The following NUP210L variants were observed in gnomAD, a reference collection of about 807,000 sequenced individuals.
The protein encoded by NUP210L is nuclear pore membrane glycoprotein 210-like.
In NUP210L, 74 loss-of-function variants were observed where a neutral mutation model predicts 208.5. The ratio of observed to expected loss-of-function variants is 0.35; its 90% CI spans 0.29 to 0.43. The LOEUF is 0.43. NUP210L is among the 20% of genes least tolerant of loss of function. The pLI is 1.00. For missense variants in NUP210L, 1,843 were observed against 2,289.4 expected, an observed-to-expected ratio of 0.81 and a Z score of 3.98; for synonymous variants, 780 against 816.9, an observed-to-expected ratio of 0.95 and a Z score of 0.77.
At chr1:154,048,703 C>A (rs1215406448) in intron 25 of NUP210L, among the ~76,000 whole-genome samples, 1 of 152,188 alleles carries the variant, frequency 6.6e-6, no homozygotes, top group Non-Finnish European at 1.5e-5. Context: ...GAGTCTTCTG[C>A]CTGGGGAGCC....
chr1:154,017,747 A>T (rs565259783), intron 33 of NUP210L, among the ~76,000 whole-genome samples: 1 of 151,392 alleles, frequency 6.6e-6, no homozygotes, highest in East Asian at 2.0e-4. Context: ...CGAACTTCTG[A>T]CCTTGTGATC....
At chr1:154,036,173 C>T (rs573485700) in intron 27 of NUP210L, among the ~76,000 whole-genome samples, 8 of 151,954 alleles carry the variant, frequency 5.3e-5, no homozygotes, top group Non-Finnish European at 1.2e-4. Context: ...TTTAATTACC[C>T]TGTGTTTGTA....
chr1:154,086,006 G>T (rs572615602), intron 16 of NUP210L, among the ~76,000 whole-genome samples: 1 of 152,230 alleles, frequency 6.6e-6, no homozygotes, highest in South Asian at 2.1e-4. Flanking sequence ...GAGATCAGGA[G>T]TTTGAGACCA....
chr1:154,029,941 C>G (rs1214381234), exon 28 of NUP210L: 1 of 1,611,114 alleles, frequency 6.2e-7, no homozygotes, highest in Admixed American at 1.7e-5. Flanking sequence ...TCCCCTCAAA[C>G]TGCCCAGAGG....
intron 16 of NUP210L, among the ~76,000 whole-genome samples, chr1:154,079,118 G>A (rs564678376): frequency 6.3e-4 from 96 of 152,028 alleles, no homozygotes; most frequent in African/African-American, 2.2e-3. Context: ...AATTAGTCAG[G>A]CATGGTGCCT....
chr1:154,091,662 G>C (rs149432883), intron 15 of NUP210L, among the ~76,000 whole-genome samples: 1 of 151,042 alleles, frequency 6.6e-6, no homozygotes. Context: ...CACCACGTCC[G>C]GCTAATTTTT....
chr1:154,128,205 G>A (rs953882813), intron 8 of NUP210L, among the ~76,000 whole-genome samples: 2 of 152,124 alleles, frequency 1.3e-5, no homozygotes, highest in Non-Finnish European at 2.9e-5. Context: ...ATTGTATAAG[G>A]CTTGGCCTGG....
chr1:154,094,032 C>T (rs1006841148), intron 15 of NUP210L, among the ~76,000 whole-genome samples: 1 of 152,088 alleles, frequency 6.6e-6, no homozygotes, highest in Non-Finnish European at 1.5e-5. Flanking sequence ...GCCTGTAATC[C>T]TAGCACTTTG....
At chr1:154,057,270 C>T (rs1174749829) in intron 22 of NUP210L, among the ~76,000 whole-genome samples, 1 of 152,140 alleles carries the variant, frequency 6.6e-6, no homozygotes, top group East Asian at 1.9e-4. Context: ...AGTCACCACG[C>T]TTGGCCAAGA....
intron 32 of NUP210L, among the ~76,000 whole-genome samples, chr1:154,020,244 A>C (rs1038234661): frequency 6.6e-5 from 10 of 152,260 alleles, no homozygotes; most frequent in Non-Finnish European, 1.2e-4. Flanking sequence ...AAAACCATAC[A>C]TTACTACAAG....
rs1447031713 is a variant in NUP210L at position 154,013,114 on chromosome 1, T to C, written c.4654-744A>G. ...GGTCTCACTATGTTGCCCCAGGTGG[T>C]CTAGAACTCCTGGCCGCAAGCCATC... is the stretch of plus-strand genomic sequence containing the variant. On this transcript the variant is annotated intron_variant, in intron 33 of 39. Transcript: ENST00000368559. Among the ~76,000 whole-genome samples, 6 of 143,934 alleles carry C rather than the reference T, an allele frequency of 4.2e-5. No individual in the cohort carries two copies. The South Asian group carries it at 1.3e-3, about 31-fold the overall frequency. 94.4% of individuals were successfully genotyped at this position (143,934 alleles called of 152,430 possible).
chr1:154,083,013 T>G (rs569634276), intron 16 of NUP210L, among the ~76,000 whole-genome samples: 2 of 152,230 alleles, frequency 1.3e-5, no homozygotes, highest in East Asian at 3.9e-4. Context: ...CAGACCTTCG[T>G]GGTGAGTGTT....
intron 33 of NUP210L, among the ~76,000 whole-genome samples, chr1:154,014,199 C>T (rs970533962): frequency 6.6e-6 from 1 of 152,140 alleles, no homozygotes; most frequent in Non-Finnish European, 1.5e-5. Flanking sequence ...TTGTCTTTTT[C>T]ATATTTGTAT....
chr1:154,011,752 G>A (rs1421881907), intron 34 of NUP210L, among the ~76,000 whole-genome samples: 1 of 138,260 alleles, frequency 7.2e-6, no homozygotes, highest in Admixed American at 7.9e-5. Context: ...CCAGTGGTGC[G>A]ATCTCGGCTC....
intron 35 of NUP210L, among the ~76,000 whole-genome samples, chr1:154,009,150 A>T (rs1316880182): frequency 1.3e-5 from 2 of 151,936 alleles, no homozygotes; most frequent in East Asian, 3.9e-4. Context: ...ACCTCAGGTG[A>T]TCCACCTGCC....
rs1212605176 is a variant in NUP210L, at chr1:154,129,747, A to AG, written c.1010-403dup. Among the ~76,000 whole-genome samples the AG allele has an allele frequency of 2.0e-5, 3 of 152,248 alleles. No homozygotes were observed. In the East Asian group the frequency reaches 5.8e-4, roughly 29 times the overall value. ...AGGGATGAACTGTTGATGGAGGCAG[A>AG]GGGAGAGGCATGACTTGCCATCCAG... On this transcript the variant is annotated intron_variant, in intron 7 of 39. Coordinates refer to ENST00000368559, the Ensembl canonical transcript of NUP210L.
chr1:153,998,095 TTC>T (rs1650006404), intron 37 of NUP210L, among the ~76,000 whole-genome samples: 1 of 152,150 alleles, frequency 6.6e-6, no homozygotes, highest in Non-Finnish European at 1.5e-5. Context: ...TCTCTATACA[TTC>T]TGAGAAACTT....
chr1:154,154,546 T>G (rs1475946970), intron 1 of NUP210L, among the ~76,000 whole-genome samples: 1 of 152,122 alleles, frequency 6.6e-6, no homozygotes, highest in Non-Finnish European at 1.5e-5. Flanking sequence ...CGGCTGCTCA[T>G]AGTGACCACC....
rs1453966902 is a variant in NUP210L at position 154,152,790 on chromosome 1, C to T, written c.286G>A (p.Ala96Thr). Residue 96 changes from alanine to threonine, a missense_variant, in exon 2 of 40, where the codon GCT becomes ACT. Transcript: ENST00000368559. ...AGGCGTATCGGTTGCGTAGATTCAG[C>T]AATGAGTACAGCTTTTTGGGAACAC... is the stretch of plus-strand genomic sequence containing the variant. 1.9e-6 allele frequency: 3 copies of T among 1,613,916 alleles called. No individual in the cohort carries two copies. In the African/African-American group the frequency reaches 4.0e-5, roughly 22 times the overall value.
Sources: gnomAD v4.1 joint callset for allele counts (sites outside exome capture counted in the v4.1 genomes callset) on GRCh38, gnomAD v4.1.1 for gene constraint, MANE v1.5 for transcripts, NCBI Gene and HGNC (gene_info 2026-07-23, HGNC 2026-07-21) for gene names.